Variants in UBTD2 observed in about 807,000 individuals in gnomAD.
UBTD2 encodes ubiquitin domain-containing protein 2.
In UBTD2, 9 loss-of-function variants were observed where a neutral mutation model predicts 19.8. The observed-to-expected ratio is 0.46, with a 90% confidence interval of 0.27 to 0.79. The LOEUF is 0.79. Among genes scored for constraint, UBTD2 ranks in the 30% least tolerant of loss-of-function variants. The probability of loss-of-function intolerance (pLI) is 0.14; values close to 1 mark genes in which losing one functional copy is unlikely to be tolerated. For synonymous variants in UBTD2, 98 were observed against 103.9 expected, an observed-to-expected ratio of 0.94 and a Z score of 0.35; for missense variants, 250 against 300.4, an observed-to-expected ratio of 0.83 and a Z score of 1.24.
intron 2 of UBTD2, among the ~76,000 whole-genome samples, chr5:172,227,349 GGATA>G (rs1426708400): frequency 2.0e-5 from 3 of 152,034 alleles, no homozygotes; most frequent in Admixed American, 6.6e-5. Flanking sequence ...TTTTGTTTGA[GGATA>G]GAGAGAGAAA....
intron 1 of UBTD2, among the ~76,000 whole-genome samples, chr5:172,248,670 G>T (rs943718522): frequency 6.6e-6 from 1 of 151,734 alleles, no homozygotes; most frequent in Non-Finnish European, 1.5e-5. Context: ...GCAGAGGCAT[G>T]AGAATCACTT....
At chr5:172,233,543 A>T (rs1221712711) in intron 2 of UBTD2, among the ~76,000 whole-genome samples, 1 of 152,276 alleles carries the variant, frequency 6.6e-6, no homozygotes, top group South Asian at 2.1e-4. Context: ...TCACATTCCT[A>T]CGCAAAAGAG....
intron 1 of UBTD2, among the ~76,000 whole-genome samples, chr5:172,264,660 G>A (rs11738387): frequency 0.073 from 11,051 of 151,904 alleles, 536 homozygotes; most frequent in Middle Eastern, 0.18. Context: ...GATCACCTGA[G>A]CCCAGGAGTT....
intron 1 of UBTD2, among the ~76,000 whole-genome samples, chr5:172,259,033 G>A (rs1755214380): frequency 6.6e-6 from 1 of 152,184 alleles, no homozygotes; most frequent in African/African-American, 2.4e-5. Flanking sequence ...TGGTTCTCAA[G>A]GGGAATGTTT....
chr5:172,237,282 C>T (rs1055132241), intron 1 of UBTD2, among the ~76,000 whole-genome samples: 7 of 151,986 alleles, frequency 4.6e-5, no homozygotes, highest in Non-Finnish European at 7.4e-5. Flanking sequence ...TTAGTAGAGA[C>T]GGGGTTTCAC....
chr5:172,247,710 G>A (rs1359672442), intron 1 of UBTD2, among the ~76,000 whole-genome samples: 2 of 152,094 alleles, frequency 1.3e-5, no homozygotes, highest in Non-Finnish European at 2.9e-5. Context: ...AGAATTGAAG[G>A]GAGATACAGT....
chr5:172,227,721 T>TG (rs1491184586), intron 2 of UBTD2, among the ~76,000 whole-genome samples: 1 of 108,620 alleles, frequency 9.2e-6, no homozygotes, highest in Non-Finnish European at 1.8e-5. Flanking sequence ...TTTTTTTTTT[T>TG]GAGACAGAGT....
At position 172,251,377 on chromosome 5, in the gene UBTD2, C is replaced by T. The variant is rs561886278; in HGVS notation, c.71-17019G>A. 3.6e-5 allele frequency among the ~76,000 whole-genome samples: 5 copies of T among 140,366 alleles called. No individual in the cohort carries two copies. The East Asian group carries it at 8.5e-4, about 24-fold the overall frequency. The allele number at this position is 140,366 out of a possible 152,430, so 92.1% of individuals were successfully genotyped here. On this transcript the variant is annotated intron_variant, in intron 1 of 2. Coordinates refer to ENST00000393792, the MANE Select transcript of UBTD2 (RefSeq NM_152277.3). ...GATGGGTTCCTGTCAGAAATATAAT[C>T]AAACAGTTCCACATACAGAAAAATC...
chr5:172,216,500 T>C (rs1771544243), intron 2 of UBTD2, among the ~76,000 whole-genome samples: 1 of 137,842 alleles, frequency 7.3e-6, no homozygotes, highest in African/African-American at 2.7e-5. Context: ...TGCCTATAAC[T>C]CCAGCACTTT....
chr5:172,243,160 T>C lies in UBTD2; in HGVS notation c.71-8802A>G, dbSNP rs557272189. Among the ~76,000 whole-genome samples the C allele has an allele frequency of 2.0e-5, 3 of 151,536 alleles. No homozygotes were observed. In the East Asian group the frequency reaches 5.8e-4, roughly 29 times the overall value. Reference sequence around the variant, plus strand: ...TTTTTTTTTTAATATTTGAATACTTTGCCAATAAAACTTTTTTTGGGGAAA... The same window carrying C: ...TTTTTTTTTTAATATTTGAATACTTCGCCAATAAAACTTTTTTTGGGGAAA... On this transcript the variant is annotated intron_variant, in intron 1 of 2. Coordinates refer to ENST00000393792, the MANE Select transcript of UBTD2 (RefSeq NM_152277.3).
At chr5:172,226,315 G>A (rs1771765272) in intron 2 of UBTD2, among the ~76,000 whole-genome samples, 1 of 151,866 alleles carries the variant, frequency 6.6e-6, no homozygotes, top group Non-Finnish European at 1.5e-5. Context: ...GCAGTGAGAT[G>A]TGACAGAAGG....
chr5:172,260,110 G>A (rs1376375186), intron 1 of UBTD2, among the ~76,000 whole-genome samples: 1 of 115,836 alleles, frequency 8.6e-6, no homozygotes, highest in African/African-American at 3.4e-5. Flanking sequence ...CAAATGCAAA[G>A]ACATCATTAA....
At chr5:172,224,746 T>C (rs1449019885) in intron 2 of UBTD2, among the ~76,000 whole-genome samples, 10 of 152,140 alleles carry the variant, frequency 6.6e-5, no homozygotes, top group Admixed American at 6.5e-4. Flanking sequence ...GAACTGTGAG[T>C]CAATTAAACC....
chr5:172,263,851 C>CTGTGTGTGTGTGTGTGTGTG (rs111856574), intron 1 of UBTD2, among the ~76,000 whole-genome samples: 3,295 of 142,286 alleles, frequency 0.023, 91 homozygotes, highest in African/African-American at 0.052. Flanking sequence ...GCACGTGCCT[C>CTGTGTGTGTGTGTGTGTGTG]TGTGTGTGTG....
In UBTD2 at chr5:172,243,554, C is replaced by CTTTTTTTTTT. The variant is rs58327908; in HGVS notation, c.71-9206_71-9197dup. ...TCCAGCCTCCAGAATTGTGAGAAAC[C>CTTTTTTTTTT]TTTTTTTTTTTTTTTTTTTTTTTAA... is the stretch of plus-strand genomic sequence containing the variant. On this transcript the variant is annotated intron_variant, in intron 1 of 2. Coordinates refer to ENST00000393792, the MANE Select transcript of UBTD2 (RefSeq NM_152277.3). 1.1e-4 allele frequency among the ~76,000 whole-genome samples: 11 copies of CTTTTTTTTTT among 101,072 alleles called. 1 individual carries two copies. Among genetic ancestry groups the CTTTTTTTTTT allele is most frequent in the East Asian group, 1.0e-3 (3 of 2,968 alleles). The allele number at this position is 101,072 out of a possible 152,430, so 66.3% of individuals were successfully genotyped here.
At chr5:172,276,712 G>A (rs945884316) in intron 1 of UBTD2, among the ~76,000 whole-genome samples, 31 of 151,924 alleles carry the variant, frequency 2.0e-4, no homozygotes, top group African/African-American at 7.3e-4. Context: ...GAAAGGGAGG[G>A]AGGGAAAGAC....
chr5:172,254,628 C>T (rs1479876884), intron 1 of UBTD2: 1 of 645,890 alleles, frequency 1.5e-6, no homozygotes, highest in Admixed American at 2.8e-5. Flanking sequence ...ATCGTAATCA[C>T]ATCTGTGTAT....
intron 2 of UBTD2, among the ~76,000 whole-genome samples, chr5:172,221,871 A>G (rs1189383871): frequency 1.3e-5 from 2 of 152,188 alleles, no homozygotes; most frequent in Non-Finnish European, 2.9e-5. Context: ...TGATGTTTCA[A>G]TGTAGGTTCA....
intron 1 of UBTD2, among the ~76,000 whole-genome samples, chr5:172,277,759 T>C (rs1415031531): frequency 2.2e-5 from 3 of 137,644 alleles, no homozygotes; most frequent in African/African-American, 8.2e-5. Context: ...ATCGAGAGAA[T>C]GAAAAGACAA....
Sources: allele counts gnomAD v4.1 joint callset (sites outside exome capture counted in the v4.1 genomes callset), GRCh38; gene constraint gnomAD v4.1.1; transcripts MANE v1.5; gene names NCBI Gene and HGNC (gene_info 2026-07-23, HGNC 2026-07-21).